Variants in AUTS2 observed in about 807,000 individuals in gnomAD.
AUTS2 encodes autism susceptibility gene 2 protein.
Under a neutral mutation model 112.4 loss-of-function variants are expected in AUTS2, and 17 were observed. The observed-to-expected ratio is 0.15, with a 90% CI of 0.10 to 0.23. The LOEUF (loss-of-function observed/expected upper bound fraction) is 0.23, where lower values mean the gene tolerates loss of function less well. Among genes scored for constraint, AUTS2 ranks in the 10% least tolerant of loss-of-function variants. The pLI is 1.00. For missense variants in AUTS2, 1,510 were observed against 1,701.6 expected (o/e 0.89, Z 1.98); for synonymous variants, 751 against 702.7 (o/e 1.07, Z -1.09).
chr7:69,666,191 C>T (rs1433202470), intron 1 of AUTS2, among the ~76,000 whole-genome samples: 2 of 152,050 alleles, frequency 1.3e-5, no homozygotes. Flanking sequence ...CACAGTCATA[C>T]ACATATAAAA....
At chr7:70,196,467 A>G (rs975674374) in intron 4 of AUTS2, among the ~76,000 whole-genome samples, 4 of 152,182 alleles carry the variant, frequency 2.6e-5, no homozygotes, top group African/African-American at 9.7e-5. Flanking sequence ...CAATGGAGAT[A>G]ATTAAATTTT....
intron 1 of AUTS2, among the ~76,000 whole-genome samples, chr7:69,692,853 G>GA (rs1338401548): frequency 6.6e-6 from 1 of 152,218 alleles, no homozygotes; most frequent in Non-Finnish European, 1.5e-5. Context: ...AGGTTTACAT[G>GA]AAAAATGTAA....
At chr7:70,056,728 CTG>C (rs1802010401) in intron 2 of AUTS2, among the ~76,000 whole-genome samples, 1 of 152,150 alleles carries the variant, frequency 6.6e-6, no homozygotes, top group Non-Finnish European at 1.5e-5. Flanking sequence ...GGATTGGCAA[CTG>C]TGTGAGGTGA....
intron 2 of AUTS2, among the ~76,000 whole-genome samples, chr7:69,916,844 T>G (rs1276755034): frequency 6.6e-6 from 1 of 152,240 alleles, no homozygotes; most frequent in Non-Finnish European, 1.5e-5. Context: ...CTCATCTGAC[T>G]TCTCAGCCTC....
chr7:69,739,388 A>G (rs1433124712), intron 1 of AUTS2, among the ~76,000 whole-genome samples: 1 of 152,194 alleles, frequency 6.6e-6, no homozygotes, highest in African/African-American at 2.4e-5. Context: ...CCTCTGAGTC[A>G]TTCCGCACCT....
At chr7:70,698,682 C>A in intron 6 of AUTS2, 62 bp downstream of exon 6, 1 of 1,276,070 alleles carries the variant, frequency 7.8e-7, no homozygotes, top group Non-Finnish European at 1.1e-6. Context: ...TTGTCATTGC[C>A]TAGGAAGAAA....
chr7:70,227,506 G>T (rs1406124329), intron 4 of AUTS2, among the ~76,000 whole-genome samples: 1 of 152,078 alleles, frequency 6.6e-6, no homozygotes, highest in African/African-American at 2.4e-5. Context: ...TTCATGAGCA[G>T]TCTCTCTTCT....
chr7:70,272,478 A>G (rs1273452050), intron 4 of AUTS2, among the ~76,000 whole-genome samples: 3 of 152,196 alleles, frequency 2.0e-5, no homozygotes, highest in African/African-American at 4.8e-5. Context: ...GAACCTCTGA[A>G]GTCCCATCGC....
intron 2 of AUTS2, among the ~76,000 whole-genome samples, chr7:70,112,264 T>G (rs1036761615): frequency 2.0e-5 from 3 of 151,968 alleles, no homozygotes; most frequent in African/African-American, 7.2e-5. Context: ...AAAAAATTCT[T>G]TAGGTGATAT....
At chr7:69,967,146 G>T (rs1237488898) in intron 2 of AUTS2, among the ~76,000 whole-genome samples, 2 of 152,166 alleles carry the variant, frequency 1.3e-5, no homozygotes, top group East Asian at 3.8e-4. Context: ...TCCTGATCTT[G>T]TTTTGGAGAT....
At chr7:69,690,961 G>A (rs925499416) in intron 1 of AUTS2, among the ~76,000 whole-genome samples, 2 of 151,620 alleles carry the variant, frequency 1.3e-5, no homozygotes, top group Admixed American at 1.3e-4. Flanking sequence ...TCCACAGCAG[G>A]TCATCCTGAC....
intron 2 of AUTS2, among the ~76,000 whole-genome samples, chr7:70,054,028 C>T (rs544999583): frequency 6.6e-6 from 1 of 152,242 alleles, no homozygotes; most frequent in South Asian, 2.1e-4. Flanking sequence ...AAACCTTTTT[C>T]CACTTGGCAC....
intron 1 of AUTS2, among the ~76,000 whole-genome samples, chr7:69,793,090 G>A (rs1024463024): frequency 6.6e-6 from 1 of 152,068 alleles, no homozygotes; most frequent in African/African-American, 2.4e-5. Flanking sequence ...ATACAAGGAG[G>A]GCTGGGCTTT....
At chr7:70,653,980 C>T (rs766107903) in intron 5 of AUTS2, among the ~76,000 whole-genome samples, 2 of 152,134 alleles carry the variant, frequency 1.3e-5, no homozygotes, top group Non-Finnish European at 2.9e-5. Flanking sequence ...GTTAATACTT[C>T]AGTGTGACAC....
In AUTS2 at chr7:70,487,963, G is replaced by A. The variant is rs77719280; in HGVS notation, c.690+52182G>A. Among the ~76,000 whole-genome samples, 542 of 152,304 alleles carry A rather than the reference G, an allele frequency of 3.6e-3. 1 individual carries two copies. The highest frequency in any genetic ancestry group is 9.2e-3 in the African/African-American group (381 of 41,576). ...TGGTGGGCCAAGAGAGAAGCCCCTC[G>A]TAGAGGGCTCCGAAGGGAGAGCATC... On this transcript the variant is annotated intron_variant, in intron 5 of 18. Coordinates refer to ENST00000342771, the MANE Select transcript of AUTS2 (RefSeq NM_015570.4).
intron 3 of AUTS2, among the ~76,000 whole-genome samples, chr7:70,120,941 A>T (rs1261969997): frequency 6.6e-6 from 1 of 152,192 alleles, no homozygotes; most frequent in African/African-American, 2.4e-5. Flanking sequence ...TACCAACCTC[A>T]AAACTCACTG....
At chr7:70,630,707 C>G (rs1161565664) in intron 5 of AUTS2, among the ~76,000 whole-genome samples, 1 of 152,150 alleles carries the variant, frequency 6.6e-6, no homozygotes, top group African/African-American at 2.4e-5. Context: ...AGCTGAAGCC[C>G]GAGCAGAAAT....
intron 1 of AUTS2, among the ~76,000 whole-genome samples, chr7:69,766,143 G>T (rs1447987518): frequency 6.6e-6 from 1 of 151,920 alleles, no homozygotes; most frequent in African/African-American, 2.4e-5. Flanking sequence ...CCACCATTCT[G>T]GTTTTTATCT....
At chr7:70,099,133 G>T (rs921021003) in intron 2 of AUTS2, among the ~76,000 whole-genome samples, 6 of 152,000 alleles carry the variant, frequency 3.9e-5, no homozygotes, top group Non-Finnish European at 8.8e-5. Context: ...GTCTTAGGCT[G>T]TTTTTGTTAA....
Sources: allele counts gnomAD v4.1 joint callset (sites outside exome capture counted in the v4.1 genomes callset), GRCh38; gene constraint gnomAD v4.1.1; transcripts MANE v1.5; gene names NCBI Gene and HGNC (gene_info 2026-07-23, HGNC 2026-07-21).